Variants in FRMD4B observed in about 807,000 individuals in gnomAD.
FRMD4B encodes FERM domain containing 4B, also known as FERM domain-containing protein 4B.
Under a neutral mutation model 141.5 loss-of-function variants are expected in FRMD4B, and 74 were observed. The observed-to-expected ratio is 0.52, with a 90% confidence interval of 0.43 to 0.63. The LOEUF (loss-of-function observed/expected upper bound fraction) is 0.63, where lower values mean the gene tolerates loss of function less well. Ranked by LOEUF, FRMD4B falls within the 30% of genes least tolerant of loss-of-function variation. The probability of loss-of-function intolerance (pLI) is 0.00; values close to 1 mark genes in which losing one functional copy is unlikely to be tolerated. For synonymous variants in FRMD4B, 506 were observed against 467.9 expected, an observed-to-expected ratio of 1.08 and a Z score of -1.05; for missense variants, 1,366 against 1,253.4, an observed-to-expected ratio of 1.09 and a Z score of -1.36.
At chr3:69,476,480 T>C (rs951329987) in intron 1 of FRMD4B, among the ~76,000 whole-genome samples, 1 of 152,216 alleles carries the variant, frequency 6.6e-6, no homozygotes, top group East Asian at 1.9e-4. Context: ...CCATTGCTTG[T>C]TTTTGTCAGG....
In FRMD4B at chr3:69,170,680, T is replaced by TA. The variant is rs897454457; in HGVS notation, c.*1180dup. ...TCTGGAATATGGAAATCATTTGCTT[T>TA]AAAAAACAAACAAACAAAACCCTAC... is the stretch of plus-strand genomic sequence containing the variant. On this transcript the variant is annotated 3_prime_UTR_variant, in exon 23 of 23. Transcript: ENST00000398540. 2.0e-5 allele frequency: 3 copies of TA among 152,160 alleles called. No individual in the cohort carries two copies. Among genetic ancestry groups the TA allele is most frequent in the African/African-American group, 7.2e-5 (3 of 41,454 alleles). The allele number at this position is 152,160 out of a possible 1,614,324, so 9.4% of individuals were successfully genotyped here. A position where few individuals can be genotyped will look rare whatever the true frequency, so the allele number is the denominator to read the frequency against.
At chr3:69,278,777 C>T (rs551151943) in intron 5 of FRMD4B, among the ~76,000 whole-genome samples, 23 of 151,936 alleles carry the variant, frequency 1.5e-4, no homozygotes, top group African/African-American at 5.1e-4. Flanking sequence ...TTTGTAGAGA[C>T]GGGGTTTCAC....
chr3:69,475,390 C>T (rs1028251183), intron 1 of FRMD4B, among the ~76,000 whole-genome samples: 14 of 140,050 alleles, frequency 1.0e-4, no homozygotes, highest in African/African-American at 3.2e-4. Context: ...CAGAGTGTAA[C>T]GTTCCCCTTC....
chr3:69,504,506 T>C (rs1400684258), intron 1 of FRMD4B, among the ~76,000 whole-genome samples: 1 of 152,140 alleles, frequency 6.6e-6, no homozygotes, highest in East Asian at 1.9e-4. Flanking sequence ...CGACCTCCAA[T>C]GTACATGATG....
intron 5 of FRMD4B, among the ~76,000 whole-genome samples, chr3:69,265,565 A>G (rs1243489232): frequency 6.9e-6 from 1 of 145,214 alleles, no homozygotes; most frequent in African/African-American, 2.6e-5. Context: ...CTCCTGCCTC[A>G]GCCTCCCGAG....
chr3:69,454,789 A>C (rs1246598288), intron 1 of FRMD4B, among the ~76,000 whole-genome samples: 1 of 152,182 alleles, frequency 6.6e-6, no homozygotes, highest in Non-Finnish European at 1.5e-5. Context: ...GGTCCCATCA[A>C]CTGCTAAAGG....
intron 1 of FRMD4B, among the ~76,000 whole-genome samples, chr3:69,460,874 C>T (rs901548680): frequency 1.3e-5 from 2 of 152,182 alleles, no homozygotes; most frequent in Non-Finnish European, 2.9e-5. Context: ...TACCAGATTA[C>T]GTGATCTGTA....
chr3:69,385,650 T>G (rs1704232735), intron 1 of FRMD4B, among the ~76,000 whole-genome samples, 178 bp downstream of exon 1: 1 of 152,114 alleles, frequency 6.6e-6, no homozygotes, highest in Admixed American at 6.5e-5. Context: ...TTTGAAAAAT[T>G]CACAAGCTCT....
intron 17 of FRMD4B, 92 bp downstream of exon 17, chr3:69,193,556 T>G: frequency 1.5e-6 from 1 of 681,070 alleles, no homozygotes; most frequent in Non-Finnish European, 2.5e-6. Flanking sequence ...CTTCCTTTGA[T>G]CTCTCATCAA....
chr3:69,531,212 G>A (rs1233017147), intron 1 of FRMD4B, among the ~76,000 whole-genome samples: 1 of 152,132 alleles, frequency 6.6e-6, no homozygotes, highest in Admixed American at 6.5e-5. Flanking sequence ...TGACTCAGAG[G>A]AGCTATATTA....
At position 69,327,968 on chromosome 3, in the gene FRMD4B, C is replaced by T. The variant is rs4855389; in HGVS notation, c.163-14451G>A. Among the ~76,000 whole-genome samples, 4 of 151,996 alleles carry T rather than the reference C, an allele frequency of 2.6e-5. No homozygotes were observed. In the East Asian group the frequency reaches 7.8e-4, roughly 30 times the overall value. ...TTTTTGAAGCCAATGTGGGATTCAA[C>T]GATTAAAACAAAACAACAAAACTGG... is the stretch of plus-strand genomic sequence containing the variant. On this transcript the variant is annotated intron_variant, in intron 1 of 22. Coordinates refer to ENST00000398540, the MANE Select transcript of FRMD4B (RefSeq NM_015123.3).
At chr3:69,199,011 C>T in intron 11 of FRMD4B, 1 of 424,918 alleles carries the variant, frequency 2.4e-6, no homozygotes, top group Non-Finnish European at 4.3e-6. Flanking sequence ...TGGCTCACGC[C>T]TGTAATCACA....
At chr3:69,474,321 T>C (rs1705946693) in intron 1 of FRMD4B, among the ~76,000 whole-genome samples, 1 of 152,158 alleles carries the variant, frequency 6.6e-6, no homozygotes, top group Admixed American at 6.5e-5. Context: ...GGAACCAGGG[T>C]ATATCTGGGG....
intron 2 of FRMD4B, among the ~76,000 whole-genome samples, chr3:69,412,774 T>TGG (rs1704779167): frequency 6.7e-6 from 1 of 149,716 alleles, no homozygotes; most frequent in Admixed American, 6.8e-5. Flanking sequence ...GTGCTAAAGC[T>TGG]GGGGCCTCTG....
At chr3:69,512,095 A>C (rs964974840) in intron 1 of FRMD4B, among the ~76,000 whole-genome samples, 3 of 152,208 alleles carry the variant, frequency 2.0e-5, no homozygotes, top group African/African-American at 7.2e-5. Flanking sequence ...TTCTTTGCCT[A>C]GAATACAAAG....
chr3:69,339,167 T>C (rs1172314251), intron 1 of FRMD4B, among the ~76,000 whole-genome samples: 1 of 152,196 alleles, frequency 6.6e-6, no homozygotes, highest in Non-Finnish European at 1.5e-5. Context: ...TTTCATTTCC[T>C]TTATTTTTTT....
At chr3:69,322,332 G>C (rs986129154) in intron 1 of FRMD4B, among the ~76,000 whole-genome samples, 3 of 152,162 alleles carry the variant, frequency 2.0e-5, no homozygotes, top group Non-Finnish European at 4.4e-5. Flanking sequence ...CTCCCGTTCA[G>C]AGAATGGCCT....
At chr3:69,497,542 A>T (rs9879192) in intron 1 of FRMD4B, among the ~76,000 whole-genome samples, 1 of 151,928 alleles carries the variant, frequency 6.6e-6, no homozygotes, top group South Asian at 2.1e-4. Flanking sequence ...AGTTACCTGA[A>T]CTTACGAGTC....
intron 2 of FRMD4B, among the ~76,000 whole-genome samples, chr3:69,428,804 T>A (rs1365044448): frequency 2.0e-5 from 3 of 152,126 alleles, no homozygotes; most frequent in Non-Finnish European, 4.4e-5. Context: ...AACATTTTCA[T>A]TATCTCAAAC....
Sources: gnomAD v4.1 joint callset for allele counts (sites outside exome capture counted in the v4.1 genomes callset) on GRCh38, gnomAD v4.1.1 for gene constraint, MANE v1.5 for transcripts, NCBI Gene and HGNC (gene_info 2026-07-23, HGNC 2026-07-21) for gene names.